TACC2: variants seen among roughly 807,000 people sequenced by gnomAD.
The protein encoded by TACC2 is transforming acidic coiled-coil-containing protein 2.
A neutral mutation model predicts 227.3 loss-of-function variants in TACC2; 137 were observed. That is an observed-to-expected ratio of 0.60 (90% CI 0.52 to 0.69). TACC2 has a LOEUF of 0.69. TACC2 is among the 30% of genes least tolerant of loss of function. The probability of loss-of-function intolerance (pLI) is 0.00; values close to 1 mark genes in which losing one functional copy is unlikely to be tolerated. For missense variants in TACC2, 3,470 were observed against 3,694.4 expected (o/e 0.94, Z 1.57); for synonymous variants, 1,523 against 1,487.5 (o/e 1.02, Z -0.55).
At chr10:122,017,329 G>C (rs1018936803) in intron 1 of TACC2, among the ~76,000 whole-genome samples, 9 of 152,092 alleles carry the variant, frequency 5.9e-5, no homozygotes, top group Admixed American at 2.6e-4. Context: ...CGCCTGCGAA[G>C]TCCCCTGTGC....
At chr10:122,204,827 C>CA (rs565625713) in intron 8 of TACC2, among the ~76,000 whole-genome samples, 3,576 of 134,808 alleles carry the variant, frequency 0.027, 161 homozygotes, top group East Asian at 0.25. Context: ...CCTGGCTCTT[C>CA]AAAAAAAAAA....
chr10:122,214,489 C>G (rs929481538), intron 9 of TACC2, among the ~76,000 whole-genome samples: 1 of 152,106 alleles, frequency 6.6e-6, no homozygotes, highest in Admixed American at 6.5e-5. Flanking sequence ...GGATCACCCC[C>G]CAAAGCCTTT....
chr10:122,160,725 C>A (rs1331021174), intron 7 of TACC2, among the ~76,000 whole-genome samples: 1 of 152,184 alleles, frequency 6.6e-6, no homozygotes, highest in African/African-American at 2.4e-5. Flanking sequence ...ATAGCACAGC[C>A]CTTTTATCAT....
chr10:122,163,700 C>T, intron 7 of TACC2: 1 of 1,112,412 alleles, frequency 9.0e-7, no homozygotes, highest in Non-Finnish European at 1.1e-6. Context: ...GCGCCGGCCA[C>T]ACTCGCGCGC....
At chr10:122,031,397 CTTTTTTTTTTTTTTTT>C (rs758476678) in intron 2 of TACC2, among the ~76,000 whole-genome samples, 2 of 91,738 alleles carry the variant, frequency 2.2e-5, no homozygotes, top group Non-Finnish European at 4.0e-5. Context: ...GGTCTAGCCT[CTTTTTTTTTTTTTTTT>C]TTTTTTTTTG....
At position 122,085,478 on chromosome 10, in the gene TACC2, C is replaced by T. The variant is rs756903499; in HGVS notation, c.2978C>T (p.Ser993Phe). ...TCCTGQGPNK[S>F]QQALADALEE... Reference sequence around the variant, plus strand: ...TGCACTGGGCAGGGGCCAAACAAGTCTCAACAGGCATTGGCTGATGCCTTG... The same window carrying T: ...TGCACTGGGCAGGGGCCAAACAAGTTTCAACAGGCATTGGCTGATGCCTTG... The change falls in exon 4 of 23, where the codon TCT (serine) becomes TTT (phenylalanine). Residue 993 changes from serine (S) to phenylalanine (F), a missense_variant. Ser to Phe is a radical substitution (Grantham distance 155, BLOSUM62 -2). This residue lies in a region of TACC2 where 1,924 missense variants were observed against 1,978.3 expected (regional missense o/e 0.97). Transcript: ENST00000369005. The T allele has an allele frequency of 3.7e-6, 6 of 1,613,632 alleles. No homozygotes were observed. In the African/African-American group the frequency reaches 5.3e-5, roughly 14 times the overall value.
At chr10:122,058,327 C>CT (rs2076414235) in intron 3 of TACC2, among the ~76,000 whole-genome samples, 1 of 152,130 alleles carries the variant, frequency 6.6e-6, no homozygotes. Context: ...CTGCTTCCGG[C>CT]TTCCGCTGCA....
At chr10:122,116,314 T>C (rs986556566) in intron 5 of TACC2, among the ~76,000 whole-genome samples, 1 of 152,198 alleles carries the variant, frequency 6.6e-6, no homozygotes, top group Non-Finnish European at 1.5e-5. Context: ...ATCCACAGTG[T>C]TATAGAGTTT....
At chr10:122,201,674 T>C (rs936512811) in intron 8 of TACC2, among the ~76,000 whole-genome samples, 1 of 152,232 alleles carries the variant, frequency 6.6e-6, no homozygotes, top group Non-Finnish European at 1.5e-5. Flanking sequence ...GGGCCATGGA[T>C]GGATCCTGGG....
chr10:121,998,075 G>C (rs901183371), intron 1 of TACC2, among the ~76,000 whole-genome samples: 1 of 152,072 alleles, frequency 6.6e-6, no homozygotes, highest in African/African-American at 2.4e-5. Context: ...ACTTTGGGAG[G>C]CCAAGGCAGG....
At chr10:122,148,010 A>G (rs2091603611) in intron 7 of TACC2, among the ~76,000 whole-genome samples, 1 of 151,040 alleles carries the variant, frequency 6.6e-6, no homozygotes, top group Non-Finnish European at 1.5e-5. Context: ...GAGTTCCTGG[A>G]GGTTTTCAAA....
chr10:122,151,113 A>T (rs1321201163), intron 7 of TACC2, among the ~76,000 whole-genome samples: 1 of 152,176 alleles, frequency 6.6e-6, no homozygotes, highest in African/African-American at 2.4e-5. Flanking sequence ...TTGAATTCAC[A>T]TTCCCCCCAC....
At position 122,087,346 on chromosome 10, in the gene TACC2, G is replaced by C. The variant is rs199665884; in HGVS notation, c.4846G>C (p.Gly1616Arg). Reference protein sequence around the residue: ...CDSPHGEDGPGDFAHTGVPGH... With the variant: ...CDSPHGEDGPRDFAHTGVPGH... Reference sequence around the variant, plus strand: ...CAGTCCACATGGAGAAGATGGTCCCGGGGACTTTGCTCACACAGGGGTTCC... The same window carrying C: ...CAGTCCACATGGAGAAGATGGTCCCCGGGACTTTGCTCACACAGGGGTTCC... The change falls in exon 4 of 23, where the codon GGG (glycine) becomes CGG (arginine). Residue 1616 changes from glycine to arginine, a missense_variant. Gly to Arg is a moderately radical substitution (Grantham distance 125). Coordinates refer to ENST00000369005, the MANE Select transcript of TACC2 (RefSeq NM_206862.4). 5.0e-6 allele frequency: 8 copies of C among 1,613,564 alleles called. No individual in the cohort carries two copies. The highest frequency in any genetic ancestry group is 6.8e-6 in the Non-Finnish European group (8 of 1,179,602).
intron 11 of TACC2, among the ~76,000 whole-genome samples, chr10:122,220,537 T>G (rs941892867): frequency 6.6e-6 from 1 of 152,144 alleles, no homozygotes; most frequent in Admixed American, 6.5e-5. Context: ...ATTAATGTAA[T>G]GAGGTCCAGT....
chr10:122,157,382 A>C (rs892969856), intron 7 of TACC2, among the ~76,000 whole-genome samples: 1 of 152,196 alleles, frequency 6.6e-6, no homozygotes, highest in South Asian at 2.1e-4. Flanking sequence ...TGACATAGCT[A>C]TATGGAAGAA....
chr10:122,045,969 C>A (rs1463681015), intron 2 of TACC2, among the ~76,000 whole-genome samples: 3 of 2,088 alleles, frequency 1.4e-3, no homozygotes, highest in African/African-American at 6.2e-3. Flanking sequence ...GTCAGGAGAT[C>A]GAGACCAGCC....
rs1356738693 is a variant in TACC2, at chr10:122,194,355, C to T, written c.5835-685C>T. Among the ~76,000 whole-genome samples, 2 of 152,178 alleles carry T rather than the reference C, an allele frequency of 1.3e-5. 1 individual carries two copies. Among genetic ancestry groups the T allele is most frequent in the Non-Finnish European group, 2.9e-5 (2 of 68,044 alleles). On this transcript the variant is annotated intron_variant, in intron 7 of 22. Coordinates refer to ENST00000369005, the MANE Select transcript of TACC2 (RefSeq NM_206862.4). The surrounding 1 kb of genome is among the most constrained non-coding windows in gnomAD (Gnocchi z 4.4). ...TCTTCCTTGAGAACAGACTTTCCTG[C>T]AGACCAGCGAGGGCCATTTTCACTG...
At chr10:122,178,714 T>C (rs2093846135) in intron 7 of TACC2, among the ~76,000 whole-genome samples, 1 of 152,092 alleles carries the variant, frequency 6.6e-6, no homozygotes, top group Non-Finnish European at 1.5e-5. Flanking sequence ...TGAAACCTCG[T>C]CTCTACTAAA....
At chr10:122,048,035 C>T (rs1019547585) in intron 2 of TACC2, among the ~76,000 whole-genome samples, 1 of 152,202 alleles carries the variant, frequency 6.6e-6, no homozygotes, top group African/African-American at 2.4e-5. Context: ...CTAGCTTGCT[C>T]TTCGGGCTGG....
Sources: allele counts gnomAD v4.1 joint callset (sites outside exome capture counted in the v4.1 genomes callset), GRCh38; gene constraint gnomAD v4.1.1; regional missense constraint gnomAD v4.1.1; non-coding constraint Gnocchi (gnomAD v3.1); transcripts MANE v1.5; gene names NCBI Gene and HGNC (gene_info 2026-07-23, HGNC 2026-07-21).